Variants in DYM observed in about 807,000 individuals in gnomAD.
DYM encodes dyggve-Melchior-Clausen syndrome protein.
In DYM, 78 loss-of-function variants were observed where a neutral mutation model predicts 93.1. That is an observed-to-expected ratio of 0.84 (90% CI 0.70 to 1.01). DYM has a LOEUF of 1.01. DYM is among the 50% of genes least tolerant of loss of function. The pLI is 0.00. For synonymous variants in DYM, 321 were observed against 319.7 expected (o/e 1.00, Z -0.04); for missense variants, 789 against 845.0 (o/e 0.93, Z 0.82).
chr18:49,082,504 G>C (rs559136911), intron 17 of DYM, among the ~76,000 whole-genome samples: 21 of 152,240 alleles, frequency 1.4e-4, no homozygotes, highest in Non-Finnish European at 2.6e-4. Context: ...TTCTGTGCAA[G>C]GTAGTGTATT....
intron 17 of DYM, among the ~76,000 whole-genome samples, chr18:49,095,883 G>T (rs544757668): frequency 2.0e-4 from 30 of 152,154 alleles, no homozygotes; most frequent in Middle Eastern, 3.4e-3. Context: ...AGACTCCATT[G>T]CAGTGTCCTT....
intron 14 of DYM, among the ~76,000 whole-genome samples, chr18:49,193,978 C>G (rs1362010593): frequency 6.6e-6 from 1 of 152,180 alleles, no homozygotes; most frequent in Admixed American, 6.5e-5. Flanking sequence ...ACACTAACTT[C>G]TGATTTACAT....
chr18:49,291,195 G>A (rs2060089263), intron 8 of DYM, among the ~76,000 whole-genome samples: 1 of 152,170 alleles, frequency 6.6e-6, no homozygotes, highest in African/African-American at 2.4e-5. Context: ...AAGTGCTTCT[G>A]TAAATAAATT....
chr18:49,411,410 G>A (rs577285356), intron 2 of DYM, among the ~76,000 whole-genome samples: 4 of 152,098 alleles, frequency 2.6e-5, no homozygotes, highest in Admixed American at 2.6e-4. Context: ...GATGATAGAC[G>A]ACTTTCTTGT....
intron 17 of DYM, among the ~76,000 whole-genome samples, chr18:49,077,163 G>A (rs2077375029): frequency 1.3e-5 from 2 of 152,150 alleles, no homozygotes; most frequent in African/African-American, 4.8e-5. Flanking sequence ...AATTTTAAGT[G>A]TTCAATTTCA....
chr18:49,115,832 C>T (rs2145929651), intron 16 of DYM, among the ~76,000 whole-genome samples: 1 of 152,226 alleles, frequency 6.6e-6, no homozygotes, highest in South Asian at 2.1e-4. Context: ...TATAAAAGGC[C>T]ACACTTTGCA....
intron 1 of DYM, among the ~76,000 whole-genome samples, chr18:49,458,887 T>C (rs1220303386): frequency 6.6e-6 from 1 of 152,188 alleles, no homozygotes; most frequent in African/African-American, 2.4e-5. Flanking sequence ...CAGATATATA[T>C]TGAAATATTT....
chr18:49,158,875 T>C (rs1254155162), intron 15 of DYM, among the ~76,000 whole-genome samples: 2 of 152,180 alleles, frequency 1.3e-5, no homozygotes, highest in South Asian at 2.1e-4. Context: ...CAATAATTTA[T>C]TGTACATTTT....
intron 14 of DYM, among the ~76,000 whole-genome samples, chr18:49,189,141 T>A (rs984944327): frequency 3.3e-5 from 5 of 152,066 alleles, no homozygotes; most frequent in African/African-American, 1.2e-4. Context: ...TAACAGAAAC[T>A]GAGGACTCCA....
At chr18:49,255,534 G>A (rs1176883074) in intron 13 of DYM, among the ~76,000 whole-genome samples, 6 of 151,912 alleles carry the variant, frequency 3.9e-5, no homozygotes, top group South Asian at 2.1e-4. Flanking sequence ...TTAGCCAGGC[G>A]TGGTGGCGTG....
chr18:49,433,727 G>A (rs554169017), intron 1 of DYM, among the ~76,000 whole-genome samples: 4 of 152,072 alleles, frequency 2.6e-5, no homozygotes, highest in African/African-American at 9.6e-5. Context: ...AATTAGCTAG[G>A]CATGTTGGAG....
rs576894970 is a variant in DYM at position 49,336,707 on chromosome 18, C to A, written c.495-2854G>T. ...TTATGCTACATATTGGGGACATATCCATCAACAAATAGACAAGGCTCCTGC... is the reference window on the plus strand; with the variant it reads ...TTATGCTACATATTGGGGACATATCAATCAACAAATAGACAAGGCTCCTGC... On this transcript the variant is annotated intron_variant, in intron 6 of 17. Coordinates refer to ENST00000675505, the MANE Select transcript of DYM (RefSeq NM_001353214.3). Among the ~76,000 whole-genome samples the A allele has an allele frequency of 7.2e-5, 11 of 152,210 alleles. No individual in the cohort carries two copies. In the East Asian group the frequency reaches 2.1e-3, roughly 29 times the overall value.
chr18:49,394,670 T>G (rs1306676110), intron 2 of DYM, among the ~76,000 whole-genome samples: 1 of 152,190 alleles, frequency 6.6e-6, no homozygotes, highest in Non-Finnish European at 1.5e-5. Context: ...ACAAGGGATA[T>G]TCTTTGCATT....
intron 2 of DYM, among the ~76,000 whole-genome samples, chr18:49,392,212 G>A (rs962561076): frequency 2.6e-5 from 4 of 152,108 alleles, no homozygotes; most frequent in Non-Finnish European, 5.9e-5. Context: ...AGATGACACA[G>A]AGAAAAGAGG....
At chr18:49,447,015 C>T (rs1240714951) in intron 1 of DYM, among the ~76,000 whole-genome samples, 1 of 150,764 alleles carries the variant, frequency 6.6e-6, no homozygotes, top group Non-Finnish European at 1.5e-5. Context: ...GCTGAGATCA[C>T]GCCACTGCAC....
intron 15 of DYM, among the ~76,000 whole-genome samples, chr18:49,143,996 TA>T (rs1568488338): frequency 6.6e-6 from 1 of 152,098 alleles, no homozygotes; most frequent in African/African-American, 2.4e-5. Flanking sequence ...TTTTCACACA[TA>T]AAAAATTAAT....
intron 10 of DYM, among the ~76,000 whole-genome samples, chr18:49,272,721 A>G (rs1014708837): frequency 6.6e-6 from 1 of 152,158 alleles, no homozygotes; most frequent in African/African-American, 2.4e-5. Flanking sequence ...AGTAAAAAAT[A>G]TATTTCAAGA....
chr18:49,090,467 C>A (rs1187331616), intron 17 of DYM, among the ~76,000 whole-genome samples: 1 of 152,160 alleles, frequency 6.6e-6, no homozygotes, highest in African/African-American at 2.4e-5. Flanking sequence ...CAAATGACGT[C>A]ATTTGTACAA....
Position 49,078,190 on chromosome 18 carries a change from T to C in DYM, c.2025+19212A>G, listed in dbSNP as rs1363406733. ...AACTTACAGATAATAATATATTACT[T>C]AGGGTGACCATAGTCAGTAAAAACT... On this transcript the variant is annotated intron_variant, in intron 17 of 17. Transcript: ENST00000675505. Among the ~76,000 whole-genome samples, 3 of 152,144 alleles carry C rather than the reference T, an allele frequency of 2.0e-5. No homozygotes were observed. The South Asian group carries it at 6.2e-4, about 32-fold the overall frequency.
Sources: gnomAD v4.1 joint callset for allele counts (sites outside exome capture counted in the v4.1 genomes callset) on GRCh38, gnomAD v4.1.1 for gene constraint, MANE v1.5 for transcripts, NCBI Gene and HGNC (gene_info 2026-07-23, HGNC 2026-07-21) for gene names.